Variants in RP1 observed in about 807,000 individuals in gnomAD.
The protein encoded by RP1 is RP1 axonemal microtubule associated.
A neutral mutation model predicts 14.8 loss-of-function variants in RP1; 16 were observed. The observed-to-expected ratio is 1.08, with a 90% CI of 0.73 to 1.65. The LOEUF is 1.65. Ranked by LOEUF, RP1 falls within the 40% of genes most tolerant of loss-of-function variation. The probability of loss-of-function intolerance (pLI) is 0.00; values close to 1 mark genes in which losing one functional copy is unlikely to be tolerated. For missense variants in RP1, 2,631 were observed against 2,535.0 expected, an observed-to-expected ratio of 1.04 and a Z score of -0.81; for synonymous variants, 876 against 883.6, an observed-to-expected ratio of 0.99 and a Z score of 0.15.
chr8:54,759,716 G>A (rs1053259789), intron 22 of RP1, among the ~76,000 whole-genome samples: 3 of 152,126 alleles, frequency 2.0e-5, no homozygotes, highest in Non-Finnish European at 2.9e-5. Context: ...TCTTTACTGA[G>A]CCCTGCTGTT....
chr8:54,745,678 CT>C (rs748345015), intron 19 of RP1, among the ~76,000 whole-genome samples: 4,571 of 140,670 alleles, frequency 0.032, 120 homozygotes, highest in African/African-American at 0.069. Context: ...TTTCTTTTTC[CT>C]TTTTTTTTTT....
At chr8:54,585,258 C>T (rs1804893695) in intron 1 of RP1, among the ~76,000 whole-genome samples, 1 of 152,194 alleles carries the variant, frequency 6.6e-6, no homozygotes, top group African/African-American at 2.4e-5. Flanking sequence ...ACTTACGAAG[C>T]TTAGTTTGGC....
At chr8:54,623,575 G>A (rs1448305414) in intron 3 of RP1, among the ~76,000 whole-genome samples, 1 of 151,978 alleles carries the variant, frequency 6.6e-6, no homozygotes, top group African/African-American at 2.4e-5. Context: ...TGGGATTACA[G>A]ATGTGAGCCA....
intron 17 of RP1, among the ~76,000 whole-genome samples, chr8:54,731,929 T>C (rs1808804433): frequency 6.6e-6 from 1 of 152,196 alleles, no homozygotes; most frequent in Non-Finnish European, 1.5e-5. Context: ...GTTCACCCTG[T>C]TTCAGACCGA....
chr8:54,647,989 T>A (rs1806582732), intron 3 of RP1, among the ~76,000 whole-genome samples: 1 of 152,040 alleles, frequency 6.6e-6, no homozygotes, highest in African/African-American at 2.4e-5. Flanking sequence ...ATGGGGATGG[T>A]TTCCCCCATG....
At chr8:54,766,259 T>G (rs1256840849) in intron 22 of RP1, among the ~76,000 whole-genome samples, 1 of 152,168 alleles carries the variant, frequency 6.6e-6, no homozygotes, top group African/African-American at 2.4e-5. Context: ...AAAAAGATGT[T>G]GAAATTTTGA....
intron 25 of RP1, among the ~76,000 whole-genome samples, chr8:54,847,412 T>G (rs929702895): frequency 3.3e-5 from 5 of 152,182 alleles, no homozygotes; most frequent in African/African-American, 4.8e-5. Context: ...GGAAGAAAAG[T>G]CTCAGCTACA....
In RP1 at chr8:54,764,711, C is replaced by T. The variant is rs568959178; in HGVS notation, c.3249-5030C>T. Among the ~76,000 whole-genome samples, 265 of 152,202 alleles carry T rather than the reference C, an allele frequency of 1.7e-3. 1 individual carries two copies. Among genetic ancestry groups the T allele is most frequent in the Middle Eastern group, 3.4e-3 (1 of 294 alleles). On this transcript the variant is annotated intron_variant, in intron 22 of 22. Transcript: ENST00000636932. ...GTAATAAATTCAACCAAAATGCATG[C>T]ATTAATCAAGACACTATAAGCCCAA...
At chr8:54,820,242 TG>T (rs1348215526) in intron 24 of RP1, among the ~76,000 whole-genome samples, 9 of 152,008 alleles carry the variant, frequency 5.9e-5, no homozygotes, top group Admixed American at 2.6e-4. Flanking sequence ...CTGTGCTGCC[TG>T]GGGCTGGGGG....
intron 3 of RP1, among the ~76,000 whole-genome samples, chr8:54,644,213 G>T (rs540155379): frequency 2.6e-5 from 4 of 152,222 alleles, no homozygotes; most frequent in African/African-American, 9.6e-5. Context: ...AGGAAAAAAG[G>T]GGTCATGTGT....
At chr8:54,618,227 C>G (rs940721005) in intron 1 of RP1, among the ~76,000 whole-genome samples, 3 of 152,182 alleles carry the variant, frequency 2.0e-5, no homozygotes, top group Non-Finnish European at 4.4e-5. Context: ...AGCACCTGCC[C>G]TTCATGCACT....
At chr8:54,733,159 C>T (rs1020337529) in intron 17 of RP1, among the ~76,000 whole-genome samples, 1 of 152,132 alleles carries the variant, frequency 6.6e-6, no homozygotes, top group Non-Finnish European at 1.5e-5. Flanking sequence ...AGTGCAGGTG[C>T]GTTGCAGTTA....
chr8:54,592,980 T>A (rs1034004804), intron 1 of RP1, among the ~76,000 whole-genome samples: 1 of 152,278 alleles, frequency 6.6e-6, no homozygotes, highest in East Asian at 1.9e-4. Context: ...CCTACAGGCA[T>A]CAGTGATTAG....
intron 26 of RP1, among the ~76,000 whole-genome samples, chr8:54,853,860 A>AG (rs1812120582): frequency 1.3e-5 from 2 of 148,808 alleles, no homozygotes; most frequent in Admixed American, 1.4e-4. Flanking sequence ...AAGGAAGAGA[A>AG]AGAAAGAAAA....
intron 14 of RP1, among the ~76,000 whole-genome samples, chr8:54,702,256 G>A (rs1808041158): frequency 1.3e-5 from 2 of 152,172 alleles, no homozygotes; most frequent in East Asian, 1.9e-4. Flanking sequence ...ATCTTAACTA[G>A]TATAGCATAG....
intron 12 of RP1, among the ~76,000 whole-genome samples, chr8:54,690,367 A>C (rs562364527): frequency 3.0e-4 from 45 of 152,176 alleles, no homozygotes; most frequent in African/African-American, 1.1e-3. Flanking sequence ...AACACTAACT[A>C]TACACTGGCC....
At chr8:54,687,050 G>A (rs1807579825) in intron 12 of RP1, among the ~76,000 whole-genome samples, 1 of 152,078 alleles carries the variant, frequency 6.6e-6, no homozygotes, top group Non-Finnish European at 1.5e-5. Flanking sequence ...TTCATGCCAT[G>A]TCAGACTATA....
chr8:54,744,423 T>G (rs142927293), intron 19 of RP1, among the ~76,000 whole-genome samples: 4 of 152,228 alleles, frequency 2.6e-5, no homozygotes, highest in African/African-American at 4.8e-5. Context: ...TATTTCATCC[T>G]AAATATGTAA....
intron 24 of RP1, among the ~76,000 whole-genome samples, chr8:54,797,424 G>A (rs1474492785): frequency 6.6e-6 from 1 of 152,088 alleles, no homozygotes; most frequent in Non-Finnish European, 1.5e-5. Flanking sequence ...TTAAAGAACA[G>A]TGAGCCTAAG....
Sources: allele counts gnomAD v4.1 joint callset (sites outside exome capture counted in the v4.1 genomes callset), GRCh38; gene constraint gnomAD v4.1.1; transcripts MANE v1.5; gene names NCBI Gene and HGNC (gene_info 2026-07-23, HGNC 2026-07-21).